Variants in MILR1 observed in about 807,000 individuals in gnomAD.
MILR1 encodes mast cell immunoglobulin like receptor 1, also known as allergin-1.
In MILR1, 31 loss-of-function variants were observed where a neutral mutation model predicts 18.5. The ratio of observed to expected loss-of-function variants is 1.68; its 90% CI spans 1.26 to 2.26. The LOEUF (loss-of-function observed/expected upper bound fraction) is 2.26. Ranked by LOEUF, MILR1 falls within the 30% of genes most tolerant of loss-of-function variation. The pLI is 0.00. For missense variants in MILR1, 257 were observed against 157.4 expected (o/e 1.63, Z -3.38); for synonymous variants, 85 against 56.2 (o/e 1.51, Z -2.30).
the MILR1 span, chr17:64,496,991 C>T: frequency 8.8e-6 from 14 of 1,593,114 alleles, no homozygotes; most frequent in Non-Finnish European, 1.1e-5. Context: ...TTAAAGAGCA[C>T]ACTCTCCCAT....
the MILR1 span, chr17:64,492,727 C>T: frequency 6.8e-6 from 11 of 1,613,220 alleles, no homozygotes; most frequent in East Asian, 2.2e-5. Context: ...TTGAAGTTCT[C>T]GGAGGAGTAA....
chr17:64,490,183 A>G, the MILR1 span, among the ~76,000 whole-genome samples: 2 of 152,170 alleles, frequency 1.3e-5, no homozygotes, highest in African/African-American at 4.8e-5. Flanking sequence ...TCGGCCTCAC[A>G]AAGTGCTGGG....
At chr17:64,490,613 G>A in the MILR1 span, 5 of 617,452 alleles carry the variant, frequency 8.1e-6, no homozygotes, top group Admixed American at 1.3e-4. Context: ...TGGCAATAGT[G>A]GATTACTGTT....
chr17:64,465,320 AC>A, intron 5 of MILR1, 131 bp from the exon 6 acceptor site: 1 of 655,492 alleles, frequency 1.5e-6, no homozygotes, highest in Non-Finnish European at 2.7e-6. Flanking sequence ...CCTTTGTTAG[AC>A]AACAGTTTGG....
downstream of MILR1, among the ~76,000 whole-genome samples, chr17:64,473,282 C>G (rs555342795): frequency 1.3e-5 from 2 of 149,116 alleles, no homozygotes; most frequent in Non-Finnish European, 3.0e-5. Flanking sequence ...ACCCGGGAGG[C>G]GGAGCTTGCA....
intron 4 of MILR1, among the ~76,000 whole-genome samples, chr17:64,460,547 T>A (rs1420104034): frequency 6.6e-6 from 1 of 152,164 alleles, no homozygotes; most frequent in East Asian, 1.9e-4. Context: ...GGCCTCACTA[T>A]GTTGCCCAGG....
intron 3 of MILR1, among the ~76,000 whole-genome samples, chr17:64,453,150 A>G (rs2144010624): frequency 6.7e-6 from 1 of 150,248 alleles, no homozygotes; most frequent in East Asian, 2.0e-4. Flanking sequence ...TCCACTGCAA[A>G]CTCCACCTCC....
chr17:64,456,898 C>T (rs1416505478), intron 3 of MILR1, among the ~76,000 whole-genome samples: 1 of 151,832 alleles, frequency 6.6e-6, no homozygotes, highest in Non-Finnish European at 1.5e-5. Context: ...CTTCTTGGGC[C>T]GGGTGTGGTG....
At chr17:64,458,357 C>A (rs1032328331) in intron 4 of MILR1, among the ~76,000 whole-genome samples, 1 of 151,898 alleles carries the variant, frequency 6.6e-6, no homozygotes, top group Non-Finnish European at 1.5e-5. Context: ...GGACTACAGG[C>A]ACCCGCCACC....
downstream of MILR1, among the ~76,000 whole-genome samples, chr17:64,472,492 AAAAAAG>A: frequency 6.7e-6 from 1 of 149,954 alleles, no homozygotes; most frequent in East Asian, 1.9e-4. Context: ...AAAAAAAAAA[AAAAAAG>A]AATAACTAGG....
chr17:64,456,285 C>T (rs2037298722), intron 3 of MILR1, among the ~76,000 whole-genome samples: 1 of 151,858 alleles, frequency 6.6e-6, no homozygotes, highest in Admixed American at 6.6e-5. Context: ...GCTTTTCTTC[C>T]TTTCCTATAA....
intron 8 of MILR1, 66 bp from the exon 9 acceptor site, chr17:64,467,499 G>A: frequency 1.0e-6 from 1 of 995,298 alleles, no homozygotes; most frequent in Non-Finnish European, 1.5e-6. Flanking sequence ...ACTAGAAATA[G>A]GATTTTTAAA....
At chr17:64,484,503 C>G in the MILR1 span, among the ~76,000 whole-genome samples, 4 of 152,140 alleles carry the variant, frequency 2.6e-5, no homozygotes, top group East Asian at 3.8e-4. Flanking sequence ...CTGGAGTGTT[C>G]TGAGCAAAGG....
At chr17:64,472,465 C>CAAAAAAAAAAAAAAAAAAA (rs71158332), downstream of MILR1, among the ~76,000 whole-genome samples, 5 of 13,920 alleles carry the variant, frequency 3.6e-4, no homozygotes, top group African/African-American at 4.9e-4. Flanking sequence ...GACTCCATCT[C>CAAAAAAAAAAAAAAAAAAA]AAAAAAAAAA....
At chr17:64,449,664 G>A (rs1420062742) in intron 2 of MILR1, among the ~76,000 whole-genome samples, 2 of 152,094 alleles carry the variant, frequency 1.3e-5, no homozygotes, top group Non-Finnish European at 2.9e-5. Flanking sequence ...GGCTGGGTGT[G>A]GTGCCTCCGG....
At chr17:64,496,984 A>G in the MILR1 span, 1 of 1,598,132 alleles carries the variant, frequency 6.3e-7, no homozygotes, top group South Asian at 1.1e-5. Context: ...TCCGAAGTTA[A>G]AGAGCACACT....
intron 8 of MILR1, 96 bp downstream of exon 8, chr17:64,466,758 G>A (rs540676189): frequency 8.6e-6 from 9 of 1,041,184 alleles, no homozygotes; most frequent in African/African-American, 7.9e-5. Context: ...CCGTTAATGG[G>A]GTGGATGGGA....
At chr17:64,478,515 T>C in the MILR1 span, among the ~76,000 whole-genome samples, 1 of 152,240 alleles carries the variant, frequency 6.6e-6, no homozygotes, top group Non-Finnish European at 1.5e-5. Flanking sequence ...ATCTCATTAC[T>C]GTTTATTTCC....
At chr17:64,479,048 T>A in the MILR1 span, among the ~76,000 whole-genome samples, 1 of 152,166 alleles carries the variant, frequency 6.6e-6, no homozygotes, top group African/African-American at 2.4e-5. Context: ...AATGTCCACA[T>A]GGCTCAAAGG....
Sources: gnomAD v4.1 joint callset for allele counts (sites outside exome capture counted in the v4.1 genomes callset) on GRCh38, gnomAD v4.1.1 for gene constraint, MANE v1.5 for transcripts, NCBI Gene and HGNC (gene_info 2026-07-23, HGNC 2026-07-21) for gene names.